The following PARD3 variants were observed in gnomAD, a reference collection of about 807,000 sequenced individuals.
PARD3 encodes partitioning defective 3 homolog.
In PARD3, 75 loss-of-function variants were observed where a neutral mutation model predicts 155.4. The observed-to-expected ratio is 0.48, with a 90% CI of 0.40 to 0.58. The LOEUF (loss-of-function observed/expected upper bound fraction) is 0.58, where lower values mean the gene tolerates loss of function less well. Ranked by LOEUF, PARD3 falls within the 20% of genes least tolerant of loss-of-function variation. PARD3 has a pLI of 0.00. For synonymous variants in PARD3, 576 were observed against 610.5 expected, an observed-to-expected ratio of 0.94 and a Z score of 0.83; for missense variants, 1,642 against 1,721.7, an observed-to-expected ratio of 0.95 and a Z score of 0.82.
At chr10:34,208,568 T>G (rs1951588472) in intron 22 of PARD3, among the ~76,000 whole-genome samples, 1 of 152,174 alleles carries the variant, frequency 6.6e-6, no homozygotes, top group Non-Finnish European at 1.5e-5. Flanking sequence ...GTTGATTTCT[T>G]GTGAAATCAT....
rs531870132 is a variant in PARD3, at chr10:34,299,325, C to T, written c.3066-15080G>A. On this transcript the variant is annotated intron_variant, in intron 20 of 24. Coordinates refer to ENST00000374788, the MANE Select transcript of PARD3 (RefSeq NM_001184785.2). ...GAAAACAACAATCCATGAGTCAGAA[C>T]TGATTTTCATTTTCTCTTCATTGTT... is the stretch of plus-strand genomic sequence containing the variant. 1.1e-3 allele frequency among the ~76,000 whole-genome samples: 162 copies of T among 152,330 alleles called. 1 individual carries two copies. The highest frequency in any genetic ancestry group is 3.7e-3 in the African/African-American group (154 of 41,570).
intron 22 of PARD3, among the ~76,000 whole-genome samples, chr10:34,245,491 C>T (rs1342060320): frequency 6.6e-6 from 1 of 151,954 alleles, no homozygotes; most frequent in African/African-American, 2.4e-5. Context: ...ACAGACAGGA[C>T]TAAGAGGGAT....
intron 5 of PARD3, among the ~76,000 whole-genome samples, chr10:34,432,041 CAAAAAAAAAAAAAAA>C (rs142848273): frequency 1.6e-3 from 35 of 21,596 alleles, no homozygotes; most frequent in Non-Finnish European, 2.4e-3. Flanking sequence ...GACTCTGTCT[CAAAAAAAAAAAAAAA>C]AAAAAAAAAA....
intron 21 of PARD3, among the ~76,000 whole-genome samples, chr10:34,277,040 A>C (rs1049799536): frequency 1.1e-4 from 16 of 152,180 alleles, no homozygotes; most frequent in Admixed American, 1.0e-3. Flanking sequence ...TCTTGCAATC[A>C]ACTCTTTTGG....
rs1589690309 is a variant in PARD3 at position 34,470,276 on chromosome 10, A to T, written c.404-13T>A. 2.6e-6 allele frequency: 4 copies of T among 1,558,858 alleles called. No individual in the cohort carries two copies. On this transcript the variant is annotated splice_polypyrimidine_tract_variant and intron_variant, in intron 3 of 24. Transcript: ENST00000374788. The stretch of plus-strand genomic sequence containing the variant: ...TGAAGAGGCATATCTGTAAACACAA[A>T]AGCACTATGCTGAAAAATAAGATAC...
At chr10:34,400,581 T>C (rs1843773703) in intron 6 of PARD3, among the ~76,000 whole-genome samples, 1 of 152,148 alleles carries the variant, frequency 6.6e-6, no homozygotes, top group Admixed American at 6.5e-5. Context: ...AACAATCAAT[T>C]ATTACCAATG....
intron 2 of PARD3, among the ~76,000 whole-genome samples, chr10:34,680,644 G>A (rs981770596): frequency 3.3e-5 from 5 of 151,676 alleles, no homozygotes; most frequent in African/African-American, 1.2e-4. Flanking sequence ...GTAACAAGAG[G>A]CATGGAATTA....
At chr10:34,419,680 A>G (rs1846006173) in intron 5 of PARD3, among the ~76,000 whole-genome samples, 1 of 152,206 alleles carries the variant, frequency 6.6e-6, no homozygotes, top group Non-Finnish European at 1.5e-5. Flanking sequence ...GTTTCATAAA[A>G]TATTTAATTA....
At chr10:34,309,096 C>G (rs1957562568) in intron 20 of PARD3, among the ~76,000 whole-genome samples, 1 of 152,074 alleles carries the variant, frequency 6.6e-6, no homozygotes, top group African/African-American at 2.4e-5. Flanking sequence ...TTCATTGAAG[C>G]AAGTTCAAGA....
chr10:34,164,567 GATC>G (rs1949431842), intron 22 of PARD3, among the ~76,000 whole-genome samples: 1 of 152,158 alleles, frequency 6.6e-6, no homozygotes, highest in Admixed American at 6.5e-5. Context: ...ACAGAATTGT[GATC>G]ATAAGCAGGC....
At chr10:34,364,932 C>A (rs1839821401) in intron 12 of PARD3, among the ~76,000 whole-genome samples, 1 of 152,046 alleles carries the variant, frequency 6.6e-6, no homozygotes, top group African/African-American at 2.4e-5. Context: ...CAAATTGCTC[C>A]ATATATTTTC....
At chr10:34,281,476 G>T (rs1956154937) in intron 21 of PARD3, among the ~76,000 whole-genome samples, 1 of 152,108 alleles carries the variant, frequency 6.6e-6, no homozygotes, top group Non-Finnish European at 1.5e-5. Flanking sequence ...AGGCAGGGCA[G>T]GGCTAGTAGA....
intron 1 of PARD3, among the ~76,000 whole-genome samples, chr10:34,745,318 T>C (rs1835161707): frequency 1.3e-5 from 2 of 151,360 alleles, no homozygotes; most frequent in Admixed American, 6.6e-5. Flanking sequence ...ACTATGATCA[T>C]GCCACCACAC....
At chr10:34,650,668 G>A (rs2092982167) in intron 2 of PARD3, among the ~76,000 whole-genome samples, 1 of 152,120 alleles carries the variant, frequency 6.6e-6, no homozygotes, top group Admixed American at 6.5e-5. Flanking sequence ...CAGCACTTAG[G>A]TCAGAAAGCA....
chr10:34,141,091 A>G (rs950162805), intron 22 of PARD3, among the ~76,000 whole-genome samples: 7 of 152,194 alleles, frequency 4.6e-5, no homozygotes, highest in Non-Finnish European at 1.0e-4. Context: ...TGGTCTTGAT[A>G]CTGACTTTGA....
At chr10:34,268,894 T>C (rs1955474210) in intron 22 of PARD3, among the ~76,000 whole-genome samples, 1 of 152,130 alleles carries the variant, frequency 6.6e-6, no homozygotes, top group Non-Finnish European at 1.5e-5. Flanking sequence ...AACCTGCACG[T>C]TGTGCACATG....
intron 2 of PARD3, among the ~76,000 whole-genome samples, chr10:34,518,614 G>C (rs2081936922): frequency 6.6e-6 from 1 of 152,172 alleles, no homozygotes; most frequent in Admixed American, 6.5e-5. Context: ...TAAAATCCAT[G>C]AGTCCATAAT....
chr10:34,401,842 G>A lies in PARD3; in HGVS notation c.790C>T (p.Pro264Ser), dbSNP rs1275787752. The change falls in exon 6 of 25, where the codon CCC (proline) becomes TCC (serine). Residue 264 changes from proline (P) to serine (S), a missense_variant. Pro to Ser is a moderately conservative substitution (Grantham distance 74). This residue lies in a region of PARD3 where 1,529 missense variants were observed against 1,587.3 expected (regional missense o/e 0.96). Coordinates refer to ENST00000374788, the MANE Select transcript of PARD3 (RefSeq NM_001184785.2). ...GTAACTTACTCCAGAGAAAAGTTGG[G>A]TATATGCTCCAAACCCGTGTCAGCA... is the stretch of plus-strand genomic sequence containing the variant. ...GHADTGLEHI[P>S]NFSLDDMVKL... 1 of 1,612,262 alleles carries A rather than the reference G, an allele frequency of 6.2e-7. No homozygotes were observed.
chr10:34,238,110 T>C (rs566426013), intron 22 of PARD3, among the ~76,000 whole-genome samples: 4 of 152,326 alleles, frequency 2.6e-5, no homozygotes, highest in East Asian at 1.9e-4. Context: ...TTAAAATAAA[T>C]GCATATTCAG....
Sources: gnomAD v4.1 joint callset for allele counts (sites outside exome capture counted in the v4.1 genomes callset) on GRCh38, gnomAD v4.1.1 for gene constraint, gnomAD v4.1.1 regional missense constraint, MANE v1.5 for transcripts, NCBI Gene and HGNC (gene_info 2026-07-23, HGNC 2026-07-21) for gene names.